The following C5orf58 variants were observed in gnomAD, a reference collection of about 807,000 sequenced individuals.
The protein encoded by C5orf58 is putative uncharacterized protein C5orf58.
In C5orf58, 2 loss-of-function variants were observed where a neutral mutation model predicts 2.9. The ratio of observed to expected loss-of-function variants is 0.69; its 90% CI spans 0.28 to 2.18. The LOEUF is 2.18. Among genes scored for constraint, C5orf58 ranks in the 30% most tolerant of loss-of-function variants. The probability of loss-of-function intolerance (pLI) is 0.13; values close to 1 mark genes in which losing one functional copy is unlikely to be tolerated. For synonymous variants in C5orf58, 37 were observed against 33.4 expected (o/e 1.11, Z -0.37); for missense variants, 96 against 91.7 (o/e 1.05, Z -0.19).
chr5:170,252,027 G>A (rs1761455533), exon 3 of C5orf58: 1 of 199,438 alleles, frequency 5.0e-6, no homozygotes, highest in East Asian at 1.1e-4. Context: ...GCAAAAAGTT[G>A]CTGCCATCTC....
chr5:170,250,825 T>C (rs1272444906), downstream of C5orf58: 1 of 1,612,288 alleles, frequency 6.2e-7, no homozygotes, highest in Admixed American at 1.7e-5. Flanking sequence ...TACAACACCA[T>C]GAGGACATAT....
intron 3 of C5orf58, chr5:170,237,199 G>C (rs1760780238): frequency 7.5e-6 from 3 of 397,950 alleles, no homozygotes; most frequent in Non-Finnish European, 1.3e-5. Flanking sequence ...GCTACGCTAG[G>C]AAGGTAGACT....
At chr5:170,242,852 T>C (rs1230864870) in intron 3 of C5orf58, among the ~76,000 whole-genome samples, 1 of 151,264 alleles carries the variant, frequency 6.6e-6, no homozygotes, top group African/African-American at 2.4e-5. Flanking sequence ...CTTTTCTAGT[T>C]CTTTTAATTG....
chr5:170,233,922 A>T, intron 1 of C5orf58, 193 bp from the exon 2 acceptor site: 2 of 364,288 alleles, frequency 5.5e-6, no homozygotes, highest in Non-Finnish European at 1.1e-5. Context: ...TACTATTTTT[A>T]AAAAACTTTT....
At chr5:170,252,363 T>G, downstream of C5orf58, 1 of 862,430 alleles carries the variant, frequency 1.2e-6, no homozygotes, top group Non-Finnish European at 1.9e-6. Context: ...TAATTGGTAC[T>G]CAGGACAGGT....
chr5:170,233,226 G>A (rs1760587489), intron 1 of C5orf58: 1 of 152,740 alleles, frequency 6.5e-6, no homozygotes, highest in Non-Finnish European at 1.5e-5. Context: ...CCGTAGGCCG[G>A]GGTCACTCTG....
chr5:170,242,209 T>A (rs1182899960), intron 3 of C5orf58, among the ~76,000 whole-genome samples: 1 of 149,238 alleles, frequency 6.7e-6, no homozygotes, highest in Non-Finnish European at 1.5e-5. Flanking sequence ...TTTGCATCAA[T>A]GTTCATCAAG....
downstream of C5orf58, chr5:170,247,014 G>A (rs1462173106): frequency 6.6e-6 from 1 of 152,220 alleles, no homozygotes; most frequent in Non-Finnish European, 1.5e-5. Context: ...CTACCAAATA[G>A]TTGCTTTGAA....
intron 3 of C5orf58, among the ~76,000 whole-genome samples, chr5:170,243,175 G>C (rs1035354436): frequency 2.0e-5 from 3 of 149,614 alleles, no homozygotes; most frequent in Admixed American, 1.3e-4. Context: ...TTTTACATTT[G>C]CTGAGGAGAG....
intron 1 of C5orf58, chr5:170,233,909 C>A: frequency 2.8e-6 from 1 of 361,926 alleles, no homozygotes; most frequent in Non-Finnish European, 5.4e-6. Flanking sequence ...TTAGTTTCTA[C>A]TTTACTATTT....
At chr5:170,250,711 C>A (rs772469807), downstream of C5orf58, 11 of 1,607,580 alleles carry the variant, frequency 6.8e-6, no homozygotes, top group East Asian at 1.6e-4. Flanking sequence ...GGGAAAATGT[C>A]GAAATTTGAA....
At chr5:170,248,125 T>G (rs1407050241), downstream of C5orf58, 1 of 152,408 alleles carries the variant, frequency 6.6e-6, no homozygotes, top group Non-Finnish European at 1.5e-5. Context: ...TATCTCAACA[T>G]GCATTTGTCT....
chr5:170,235,103 C>T (rs924614039), intron 3 of C5orf58, 33 bp downstream of exon 3: 1 of 1,113,200 alleles, frequency 9.0e-7, no homozygotes, highest in African/African-American at 1.6e-5. Context: ...GTTTGCATGT[C>T]ATTGTTATAA....
rs771658389 is a variant in C5orf58, at chr5:170,234,112, T to C, written c.-84-3T>C. On this transcript the variant is annotated splice_polypyrimidine_tract_variant and splice_region_variant and intron_variant, in intron 1 of 3. Transcript: ENST00000593851. The stretch of plus-strand genomic sequence containing the variant: ...TTTATTAATGTCTGGGAAACAAAAT[T>C]AGTTTTTTTACAGTGGCTCTGAAAT... The C allele has an allele frequency of 2.9e-6, 4 of 1,365,870 alleles. No individual in the cohort carries two copies. Among genetic ancestry groups the C allele is most frequent in the East Asian group, 4.5e-5 (1 of 21,982 alleles). 84.6% of individuals were successfully genotyped at this position (1,365,870 alleles called of 1,614,324 possible). A position where few individuals can be genotyped will look rare whatever the true frequency, so the allele number is the denominator to read the frequency against.
chr5:170,245,646 G>A (rs1431174204), intron 3 of C5orf58, among the ~76,000 whole-genome samples: 2 of 152,172 alleles, frequency 1.3e-5, no homozygotes, highest in African/African-American at 2.4e-5. Flanking sequence ...CACCGTGCGC[G>A]CACCCACTGA....
rs554358441 is a variant in C5orf58 at position 170,245,234 on chromosome 5, G to A, written c.95-728G>A. Among the ~76,000 whole-genome samples the A allele has an allele frequency of 2.6e-5, 4 of 152,264 alleles. No individual in the cohort carries two copies. In the South Asian group the frequency reaches 8.3e-4, roughly 32 times the overall value. On this transcript the variant is annotated intron_variant, in intron 3 of 3. Transcript: ENST00000593851. The stretch of plus-strand genomic sequence containing the variant: ...GTTACTGCTGTCTTTTTGTTTGTCT[G>A]TGCCCTGCCCCCAGAGGTGGAGCCT...
intron 3 of C5orf58, chr5:170,237,357 T>C: frequency 2.5e-6 from 1 of 398,324 alleles, no homozygotes. Context: ...TTCATCATAA[T>C]CCTATGAGGT....
chr5:170,248,796 A>G, downstream of C5orf58: 5 of 1,612,568 alleles, frequency 3.1e-6, no homozygotes, highest in Non-Finnish European at 4.2e-6. Context: ...AGTAGTCAAT[A>G]ATATCTGACA....
At chr5:170,238,775 C>G (rs1165630609) in intron 3 of C5orf58, among the ~76,000 whole-genome samples, 1 of 152,132 alleles carries the variant, frequency 6.6e-6, no homozygotes, top group Non-Finnish European at 1.5e-5. Context: ...CTTTGGAAAT[C>G]TGAAAAAAAT....
Sources: gnomAD v4.1 joint callset for allele counts (sites outside exome capture counted in the v4.1 genomes callset) on GRCh38, gnomAD v4.1.1 for gene constraint, MANE v1.5 for transcripts, NCBI Gene and HGNC (gene_info 2026-07-23, HGNC 2026-07-21) for gene names.